The following ITSN1 variants were observed in gnomAD, a reference collection of about 807,000 sequenced individuals.
ITSN1 encodes the protein intersectin-1.
Under a neutral mutation model 239.8 loss-of-function variants are expected in ITSN1, and 58 were observed. That is an observed-to-expected ratio of 0.24 (90% CI 0.20 to 0.30). The LOEUF is 0.30. Among genes scored for constraint, ITSN1 ranks in the 10% least tolerant of loss-of-function variants. ITSN1 has a pLI of 1.00. For synonymous variants in ITSN1, 780 were observed against 770.8 expected (o/e 1.01, Z -0.20); for missense variants, 1,558 against 2,103.3 (o/e 0.74, Z 5.07).
chr21:33,781,899 C>G (rs2070219306), intron 15 of ITSN1, 95 bp from the exon 16 acceptor site: 1 of 1,236,444 alleles, frequency 8.1e-7, no homozygotes, highest in Non-Finnish European at 1.1e-6. Context: ...TTTTAACCAG[C>G]AAGAATTTCC....
intron 29 of ITSN1, among the ~76,000 whole-genome samples, chr21:33,845,071 C>G (rs955146544): frequency 6.6e-6 from 1 of 151,874 alleles, no homozygotes. Context: ...GTCATAGGGC[C>G]GTGCTCAGCA....
intron 1 of ITSN1, among the ~76,000 whole-genome samples, chr21:33,712,859 C>T (rs2092454048): frequency 1.3e-5 from 2 of 152,200 alleles, no homozygotes; most frequent in Admixed American, 6.5e-5. Flanking sequence ...AGAAGCAGAA[C>T]TCTGGTTTGT....
intron 19 of ITSN1, among the ~76,000 whole-genome samples, chr21:33,800,716 A>C (rs2148074214): frequency 6.6e-6 from 1 of 152,302 alleles, no homozygotes; most frequent in South Asian, 2.1e-4. Flanking sequence ...CTAAAAGAAA[A>C]TAGTAGTTCC....
At chr21:33,835,823 C>T (rs28405748) in intron 28 of ITSN1, among the ~76,000 whole-genome samples, 2,741 of 152,190 alleles carry the variant, frequency 0.018, 77 homozygotes, top group African/African-American at 0.063. Flanking sequence ...CCCAGCTACT[C>T]AAGAGGCTGA....
chr21:33,789,826 A>AG (rs2070966483), intron 16 of ITSN1, among the ~76,000 whole-genome samples: 1 of 152,214 alleles, frequency 6.6e-6, no homozygotes, highest in Admixed American at 6.5e-5. Context: ...CACATTTCTC[A>AG]GGGGAAAAAT....
At chr21:33,855,467 A>G (rs935944661) in intron 29 of ITSN1, among the ~76,000 whole-genome samples, 1 of 152,244 alleles carries the variant, frequency 6.6e-6, no homozygotes, top group East Asian at 1.9e-4. Flanking sequence ...TCCCACCTAC[A>G]TTCGGGACAC....
At chr21:33,807,024 C>T (rs1392037935) in intron 20 of ITSN1, among the ~76,000 whole-genome samples, 1 of 152,132 alleles carries the variant, frequency 6.6e-6, no homozygotes, top group African/African-American at 2.4e-5. Context: ...GAATGAAAGT[C>T]TCTTACAGCC....
intron 29 of ITSN1, among the ~76,000 whole-genome samples, chr21:33,839,978 C>T (rs554759660): frequency 2.0e-5 from 3 of 152,264 alleles, no homozygotes; most frequent in South Asian, 4.1e-4. Flanking sequence ...GGTTGAGAAG[C>T]GCAGGTCTCA....
Position 33,867,332 on chromosome 21 carries a change from G to A in ITSN1, c.4173+1G>A. The A allele has an allele frequency of 6.4e-7, 1 of 1,560,428 alleles. No individual in the cohort carries two copies. Among genetic ancestry groups the A allele is most frequent in the Non-Finnish European group, 8.8e-7 (1 of 1,131,042 alleles). Reference sequence around the variant, plus strand: ...AAGATACCCACTGATCATTAAAAATGTAAGTACCTGTCTTGCCTTTTCAAG... The same window carrying A: ...AAGATACCCACTGATCATTAAAAATATAAGTACCTGTCTTGCCTTTTCAAG... On this transcript the variant is annotated splice_donor_variant, in intron 33 of 39. Transcript: ENST00000381318. LOFTEE classifies it high-confidence loss of function.
chr21:33,816,923 A>T (rs1002017349), intron 22 of ITSN1, among the ~76,000 whole-genome samples: 1 of 152,164 alleles, frequency 6.6e-6, no homozygotes, highest in South Asian at 2.1e-4. Context: ...TGGGTTTAAG[A>T]AGGCAAGAAC....
At chr21:33,702,308 G>A (rs1601724259) in intron 1 of ITSN1, among the ~76,000 whole-genome samples, 1 of 151,912 alleles carries the variant, frequency 6.6e-6, no homozygotes, top group Admixed American at 6.6e-5. Context: ...GTAGAGATGG[G>A]GTTTTGCCAT....
At chr21:33,708,081 A>G (rs951100927) in intron 1 of ITSN1, among the ~76,000 whole-genome samples, 2 of 152,240 alleles carry the variant, frequency 1.3e-5, no homozygotes, top group African/African-American at 4.8e-5. Flanking sequence ...TAGTGGAAAT[A>G]TAGTGGCATA....
At chr21:33,739,922 G>T (rs1249264630) in intron 5 of ITSN1, among the ~76,000 whole-genome samples, 3 of 152,216 alleles carry the variant, frequency 2.0e-5, no homozygotes, top group Non-Finnish European at 4.4e-5. Flanking sequence ...CAGTTAGGAG[G>T]CTTTTGCCAC....
chr21:33,682,562 G>A (rs781552232), intron 1 of ITSN1, among the ~76,000 whole-genome samples: 3 of 151,980 alleles, frequency 2.0e-5, no homozygotes, highest in Non-Finnish European at 4.4e-5. Flanking sequence ...GCCTCTCTCT[G>A]TTGCCCAGGC....
chr21:33,774,533 A>C (rs1354605998), intron 12 of ITSN1, 196 bp from the exon 13 acceptor site: 1 of 522,590 alleles, frequency 1.9e-6, no homozygotes, highest in Non-Finnish European at 3.4e-6. Flanking sequence ...TATAATACCC[A>C]GTTCTGTGTA....
chr21:33,855,700 A>G (rs557706398), intron 29 of ITSN1, among the ~76,000 whole-genome samples: 2 of 152,364 alleles, frequency 1.3e-5, no homozygotes, highest in South Asian at 4.1e-4. Context: ...CAGTGCAGGC[A>G]CCATCTCAGG....
intron 29 of ITSN1, among the ~76,000 whole-genome samples, chr21:33,846,756 G>C (rs948044181): frequency 2.0e-5 from 3 of 152,182 alleles, no homozygotes; most frequent in Non-Finnish European, 2.9e-5. Context: ...CATTCTCCCT[G>C]CTGCGTGTAG....
At chr21:33,699,491 G>T (rs905623427) in intron 1 of ITSN1, among the ~76,000 whole-genome samples, 1 of 152,146 alleles carries the variant, frequency 6.6e-6, no homozygotes, top group African/African-American at 2.4e-5. Context: ...AGGCTGAGGC[G>T]GGCAGATTGC....
chr21:33,682,154 G>T (rs1442422574), intron 1 of ITSN1, among the ~76,000 whole-genome samples: 1 of 150,312 alleles, frequency 6.7e-6, no homozygotes, highest in East Asian at 1.9e-4. Context: ...GTTCTATTTG[G>T]CTACTCAGGA....
Sources: allele counts gnomAD v4.1 joint callset (sites outside exome capture counted in the v4.1 genomes callset), GRCh38; gene constraint gnomAD v4.1.1; transcripts MANE v1.5; gene names NCBI Gene and HGNC (gene_info 2026-07-23, HGNC 2026-07-21).